Variants in SGCZ observed in about 807,000 individuals in gnomAD.
The protein encoded by SGCZ is sarcoglycan zeta, also known as zeta-sarcoglycan.
SGCZ carries 40 observed loss-of-function variants against 41.3 expected under a neutral mutation model. The ratio of observed to expected loss-of-function variants is 0.97; its 90% CI spans 0.75 to 1.26. The LOEUF is 1.26. SGCZ is among the 50% of genes most tolerant of loss of function. SGCZ has a pLI of 0.00. For missense variants in SGCZ, 552 were observed against 369.8 expected, an observed-to-expected ratio of 1.49 and a Z score of -4.04; for synonymous variants, 206 against 137.5, an observed-to-expected ratio of 1.50 and a Z score of -3.49.
intron 5 of SGCZ, among the ~76,000 whole-genome samples, chr8:14,141,454 C>G (rs549374304): frequency 1.3e-5 from 2 of 152,172 alleles, no homozygotes; most frequent in Non-Finnish European, 2.9e-5. Context: ...CTACAAAGAA[C>G]TTAAACAAAT....
At position 14,745,636 on chromosome 8, in the gene SGCZ, TAC is replaced by T. The variant is rs200845041; in HGVS notation, c.40-190712_40-190711del. Among the ~76,000 whole-genome samples the T allele has an allele frequency of 1.0e-2, 1,514 of 151,844 alleles. 15 individuals are homozygous for T. The highest frequency in any genetic ancestry group is 0.021 in the Middle Eastern group (6 of 288). The stretch of plus-strand genomic sequence containing the variant: ...GTGCCTGTGTATGTATGTACATATA[TAC>T]ACACACACATATATATATACACACA... On this transcript the variant is annotated intron_variant, in intron 1 of 7. Coordinates refer to ENST00000382080, the MANE Select transcript of SGCZ (RefSeq NM_139167.4).
intron 5 of SGCZ, among the ~76,000 whole-genome samples, chr8:14,150,067 A>G (rs1300662755): frequency 6.6e-6 from 1 of 152,196 alleles, no homozygotes; most frequent in Non-Finnish European, 1.5e-5. Flanking sequence ...AGATCTATGA[A>G]ACTACTACAA....
intron 1 of SGCZ, among the ~76,000 whole-genome samples, chr8:15,202,337 A>G (rs141659607): frequency 1.3e-5 from 2 of 152,360 alleles, no homozygotes; most frequent in African/African-American, 4.8e-5. Flanking sequence ...GAACAAAATA[A>G]TGGCATTTTC....
intron 3 of SGCZ, among the ~76,000 whole-genome samples, chr8:14,250,388 T>G (rs1290194850): frequency 6.6e-6 from 1 of 152,200 alleles, no homozygotes; most frequent in Non-Finnish European, 1.5e-5. Flanking sequence ...CGAAATTTTT[T>G]TTTAAAGCAA....
intron 5 of SGCZ, 38 bp downstream of exon 5, chr8:14,164,542 A>G (rs1804147583): frequency 6.2e-7 from 1 of 1,611,220 alleles, no homozygotes; most frequent in Non-Finnish European, 8.5e-7. Context: ...TATTCTTTAA[A>G]GAAGTAAACA....
At chr8:14,784,913 A>AAAAAAATATAT (rs1408574493) in intron 1 of SGCZ, among the ~76,000 whole-genome samples, 2 of 88,022 alleles carry the variant, frequency 2.3e-5, no homozygotes, top group African/African-American at 9.4e-5. Flanking sequence ...AAAAAAAAAA[A>AAAAAAATATAT]ATATATATAT....
chr8:14,222,838 AGTCTTGCTCTGTCGCCCAGGCTG>A (rs1806248448), intron 4 of SGCZ, among the ~76,000 whole-genome samples: 1 of 98,740 alleles, frequency 1.0e-5, no homozygotes, highest in South Asian at 3.5e-4. Context: ...TTTGAGGCAG[AGTCTTGCTCTGTCGCCCAGGCTG>A]GTGTGCAGTG....
At chr8:14,411,518 G>C (rs568224091) in intron 2 of SGCZ, among the ~76,000 whole-genome samples, 57 of 152,128 alleles carry the variant, frequency 3.7e-4, no homozygotes, top group African/African-American at 1.3e-3. Context: ...TACTTCACTT[G>C]CTGCCTACAG....
chr8:14,892,615 A>C (rs1055926062), intron 1 of SGCZ, among the ~76,000 whole-genome samples: 5 of 152,202 alleles, frequency 3.3e-5, no homozygotes, highest in Non-Finnish European at 5.9e-5. Flanking sequence ...AATTTTACAC[A>C]TGTTGATAGA....
chr8:14,571,172 GA>G (rs1431745740), intron 1 of SGCZ, among the ~76,000 whole-genome samples: 5 of 152,110 alleles, frequency 3.3e-5, no homozygotes, highest in Non-Finnish European at 7.4e-5. Flanking sequence ...AAGGTGGCGG[GA>G]AAGGGAGATA....
chr8:14,891,491 A>C (rs1157786160), intron 1 of SGCZ, among the ~76,000 whole-genome samples: 1 of 152,206 alleles, frequency 6.6e-6, no homozygotes, highest in South Asian at 2.1e-4. Context: ...AGGATAAAAC[A>C]TTAGGATAAT....
intron 4 of SGCZ, among the ~76,000 whole-genome samples, chr8:14,219,910 G>C (rs556769565): frequency 1.3e-5 from 2 of 152,246 alleles, no homozygotes; most frequent in African/African-American, 2.4e-5. Flanking sequence ...CTTTTCAAGA[G>C]TTCTTTGAAT....
At chr8:14,720,374 G>C (rs1478200681) in intron 1 of SGCZ, among the ~76,000 whole-genome samples, 1 of 151,992 alleles carries the variant, frequency 6.6e-6, no homozygotes, top group Non-Finnish European at 1.5e-5. Context: ...AATAATGATA[G>C]ATATAACAAT....
At chr8:14,241,323 C>G (rs1000060157) in intron 3 of SGCZ, among the ~76,000 whole-genome samples, 2 of 151,098 alleles carry the variant, frequency 1.3e-5, no homozygotes, top group Admixed American at 6.6e-5. Context: ...TTGATATTTT[C>G]TCATGGAATA....
chr8:14,239,275 ACACACACAC>A (rs1806886041), intron 3 of SGCZ, among the ~76,000 whole-genome samples: 1 of 151,706 alleles, frequency 6.6e-6, no homozygotes, highest in Non-Finnish European at 1.5e-5. Flanking sequence ...ACACACACAC[ACACACACAC>A]AAATTCTATT....
rs532797890 is a variant in SGCZ, at chr8:15,021,308, G to C, written c.39+216277C>G. 3.9e-5 allele frequency among the ~76,000 whole-genome samples: 6 copies of C among 152,224 alleles called. No homozygotes were observed. The South Asian group carries it at 8.3e-4, about 21-fold the overall frequency. ...TAATATGGTGAATTCAGGCCTCATG[G>C]TACTCTCTACAACTGGAAAAAAATA... is the stretch of plus-strand genomic sequence containing the variant. On this transcript the variant is annotated intron_variant, in intron 1 of 7. Coordinates refer to ENST00000382080, the MANE Select transcript of SGCZ (RefSeq NM_139167.4).
At chr8:14,984,983 T>A (rs1295534491) in intron 1 of SGCZ, among the ~76,000 whole-genome samples, 2 of 152,122 alleles carry the variant, frequency 1.3e-5, no homozygotes. Context: ...ACAGTAATAA[T>A]CCTTGTTTTT....
Position 14,146,901 on chromosome 8 carries a change from A to G in SGCZ, c.547+17679T>C, listed in dbSNP as rs563630226. Among the ~76,000 whole-genome samples, 964 of 149,744 alleles carry G rather than the reference A, an allele frequency of 6.4e-3. 47 individuals are homozygous for G. The highest frequency in any genetic ancestry group is 0.021 in the Middle Eastern group (6 of 290). ...AATAAAAATAAAAAAAATAATAATA[A>G]TAATAACTACAGCAACTTTTCCAAG... is the stretch of plus-strand genomic sequence containing the variant. On this transcript the variant is annotated intron_variant, in intron 5 of 7. Transcript: ENST00000382080.
intron 1 of SGCZ, among the ~76,000 whole-genome samples, chr8:15,106,041 TC>T (rs1269617616): frequency 6.6e-6 from 1 of 152,182 alleles, no homozygotes; most frequent in African/African-American, 2.4e-5. Context: ...CTTATACAAA[TC>T]CCAAATTGAT....
Sources: gnomAD v4.1 joint callset for allele counts (sites outside exome capture counted in the v4.1 genomes callset) on GRCh38, gnomAD v4.1.1 for gene constraint, MANE v1.5 for transcripts, NCBI Gene and HGNC (gene_info 2026-07-23, HGNC 2026-07-21) for gene names.